Variants in RPS6KC1 observed in about 807,000 individuals in gnomAD.
RPS6KC1 encodes the protein ribosomal protein S6 kinase C1.
A neutral mutation model predicts 103.8 loss-of-function variants in RPS6KC1; 54 were observed. The ratio of observed to expected loss-of-function variants is 0.52; its 90% CI spans 0.42 to 0.65. The LOEUF is 0.65. Among genes scored for constraint, RPS6KC1 ranks in the 30% least tolerant of loss-of-function variants. The pLI is 0.00. For missense variants in RPS6KC1, 1,151 were observed against 1,253.8 expected (o/e 0.92, Z 1.24); for synonymous variants, 439 against 438.7 (o/e 1.00, Z -0.01).
At chr1:213,563,160 A>G in the RPS6KC1 span, among the ~76,000 whole-genome samples, 1 of 152,166 alleles carries the variant, frequency 6.6e-6, no homozygotes, top group African/African-American at 2.4e-5. Flanking sequence ...TGTTATGTGT[A>G]TAGGCATTTG....
the RPS6KC1 span, among the ~76,000 whole-genome samples, chr1:213,474,648 C>T: frequency 4.6e-5 from 7 of 152,082 alleles, no homozygotes; most frequent in Non-Finnish European, 7.4e-5. Context: ...CTGAGCAGAG[C>T]GCATATGTAT....
the RPS6KC1 span, among the ~76,000 whole-genome samples, chr1:213,704,334 G>T: frequency 7.3e-6 from 1 of 136,648 alleles, no homozygotes; most frequent in Non-Finnish European, 1.5e-5. Flanking sequence ...CCTGCAGTGA[G>T]CCGAGATTGC....
At chr1:213,250,835 A>G (rs1229213939) in intron 12 of RPS6KC1, among the ~76,000 whole-genome samples, 1 of 152,206 alleles carries the variant, frequency 6.6e-6, no homozygotes, top group Non-Finnish European at 1.5e-5. Context: ...CTTAAAAAAA[A>G]TTGTCTCTGT....
rs1427428265 is a variant in RPS6KC1, at chr1:213,152,811, A to G, written c.836-15047A>G. Among the ~76,000 whole-genome samples, 4 of 152,134 alleles carry G rather than the reference A, an allele frequency of 2.6e-5. No homozygotes were observed. In the South Asian group the frequency reaches 6.2e-4, roughly 24 times the overall value. On this transcript the variant is annotated intron_variant, in intron 6 of 14. Coordinates refer to ENST00000366960, the MANE Select transcript of RPS6KC1 (RefSeq NM_012424.6). ...TCCCAGATGATGGGCCGCCAGGCAG[A>G]GATGCTCCTCACTTCCCAGACGGGG...
Position 213,261,543 on chromosome 1 carries a change from T to C in RPS6KC1, c.2912-15T>C, listed in dbSNP as rs199804381. On this transcript the variant is annotated splice_polypyrimidine_tract_variant and intron_variant, in intron 12 of 14. Coordinates refer to ENST00000366960, the MANE Select transcript of RPS6KC1 (RefSeq NM_012424.6). ...CCTTTGGAATTTTAATATCAACCTT[T>C]TTTGGTGTGGTTAGAGGTTGGAGCA... 1.0e-4 allele frequency: 168 copies of C among 1,612,000 alleles called. No homozygotes were observed. Among genetic ancestry groups the C allele is most frequent in the Non-Finnish European group, 1.4e-4 (160 of 1,178,528 alleles).
At chr1:213,751,869 T>A in the RPS6KC1 span, among the ~76,000 whole-genome samples, 2 of 152,214 alleles carry the variant, frequency 1.3e-5, no homozygotes, top group Admixed American at 6.5e-5. Context: ...AAATGCTCAA[T>A]AAGTGGTAGT....
intron 3 of RPS6KC1, among the ~76,000 whole-genome samples, chr1:213,086,079 A>G (rs2080367943): frequency 6.6e-6 from 1 of 152,118 alleles, no homozygotes; most frequent in Admixed American, 6.5e-5. Context: ...GCTGCTTCTC[A>G]GTTTATTGTA....
At chr1:213,138,092 C>T (rs2086591844) in intron 6 of RPS6KC1, among the ~76,000 whole-genome samples, 1 of 151,814 alleles carries the variant, frequency 6.6e-6, no homozygotes, top group Non-Finnish European at 1.5e-5. Context: ...CATTGTTGTC[C>T]TCTAGGCCCA....
chr1:213,440,553 C>A, the RPS6KC1 span, among the ~76,000 whole-genome samples: 2 of 139,984 alleles, frequency 1.4e-5, no homozygotes, highest in African/African-American at 2.7e-5. Flanking sequence ...ATTCCAATGA[C>A]CTAGGGAAAA....
the RPS6KC1 span, among the ~76,000 whole-genome samples, chr1:213,611,471 C>A: frequency 1.3e-5 from 2 of 152,190 alleles, no homozygotes; most frequent in Non-Finnish European, 2.9e-5. Context: ...CTTGCCAACT[C>A]ACTCTGCAAT....
chr1:213,573,897 AG>A, the RPS6KC1 span, among the ~76,000 whole-genome samples: 2 of 152,236 alleles, frequency 1.3e-5, no homozygotes, highest in East Asian at 3.9e-4. Flanking sequence ...TGGAAATGCC[AG>A]AAGTGAGTGA....
chr1:213,553,111 G>C, the RPS6KC1 span, among the ~76,000 whole-genome samples: 1 of 152,010 alleles, frequency 6.6e-6, no homozygotes. Context: ...TGTCACCCAG[G>C]TAATCAGCCT....
At chr1:213,316,615 A>G in the RPS6KC1 span, among the ~76,000 whole-genome samples, 1 of 152,204 alleles carries the variant, frequency 6.6e-6, no homozygotes, top group Non-Finnish European at 1.5e-5. Flanking sequence ...GGAGAGGCAG[A>G]TGATGAACAA....
At chr1:213,661,469 G>C in the RPS6KC1 span, among the ~76,000 whole-genome samples, 1 of 152,190 alleles carries the variant, frequency 6.6e-6, no homozygotes, top group Non-Finnish European at 1.5e-5. Flanking sequence ...TCGCCTTTCA[G>C]TTGACGAGCA....
chr1:213,436,657 T>G, the RPS6KC1 span, among the ~76,000 whole-genome samples: 2 of 152,208 alleles, frequency 1.3e-5, no homozygotes, highest in African/African-American at 4.8e-5. Flanking sequence ...ATTCCTTTAT[T>G]TGTTTAGACA....
At chr1:213,283,982 TAACAAAA>T in the RPS6KC1 span, among the ~76,000 whole-genome samples, 1 of 150,900 alleles carries the variant, frequency 6.6e-6, no homozygotes, top group Non-Finnish European at 1.5e-5. Flanking sequence ...CACTCAAAGA[TAACAAAA>T]AAGAGAAATA....
the RPS6KC1 span, among the ~76,000 whole-genome samples, chr1:213,429,722 C>T: frequency 6.6e-6 from 1 of 152,286 alleles, no homozygotes; most frequent in East Asian, 1.9e-4. Flanking sequence ...ACTATCCCTC[C>T]TATTGCATTT....
intron 14 of RPS6KC1, among the ~76,000 whole-genome samples, chr1:213,264,807 A>G (rs73093643): frequency 0.044 from 6,761 of 152,238 alleles, 240 homozygotes; most frequent in African/African-American, 0.096. Flanking sequence ...TATGGAAATA[A>G]TTCTACGTGG....
the RPS6KC1 span, among the ~76,000 whole-genome samples, chr1:213,792,973 T>C: frequency 6.6e-6 from 1 of 152,126 alleles, no homozygotes; most frequent in South Asian, 2.1e-4. Flanking sequence ...GACTTGGTTG[T>C]CATTTGTTGA....
Sources: gnomAD v4.1 joint callset for allele counts (sites outside exome capture counted in the v4.1 genomes callset) on GRCh38, gnomAD v4.1.1 for gene constraint, MANE v1.5 for transcripts, NCBI Gene and HGNC (gene_info 2026-07-23, HGNC 2026-07-21) for gene names.